SNX14: variants seen among roughly 807,000 people sequenced by gnomAD.
SNX14 encodes the protein sorting nexin-14.
SNX14 carries 93 observed loss-of-function variants against 133.8 expected under a neutral mutation model. The observed-to-expected ratio is 0.70, with a 90% CI of 0.59 to 0.83. SNX14 has a LOEUF of 0.83. SNX14 is among the 40% of genes least tolerant of loss of function. SNX14 has a pLI of 0.00. For synonymous variants in SNX14, 368 were observed against 365.6 expected (o/e 1.01, Z -0.07); for missense variants, 945 against 1,094.9 (o/e 0.86, Z 1.93).
intron 5 of SNX14, 25 bp from the exon 6 acceptor site, chr6:85,565,444 T>C (rs779019574): frequency 2.3e-5 from 35 of 1,521,310 alleles, no homozygotes; most frequent in Non-Finnish European, 3.0e-5. Flanking sequence ...AAAACAAATA[T>C]TCAGAAGTTC....
At chr6:85,550,960 T>C (rs979662036) in intron 7 of SNX14, among the ~76,000 whole-genome samples, 37 of 152,058 alleles carry the variant, frequency 2.4e-4, no homozygotes, top group Admixed American at 2.4e-3. Flanking sequence ...TTTATATTTT[T>C]TGTAGAGACA....
At chr6:85,552,757 G>C (rs956211771) in intron 7 of SNX14, among the ~76,000 whole-genome samples, 5 of 152,184 alleles carry the variant, frequency 3.3e-5, no homozygotes, top group Admixed American at 1.3e-4. Flanking sequence ...AGGAGGAATT[G>C]AGGACTGAAC....
At chr6:85,521,856 G>A (rs1215426620) in intron 21 of SNX14, among the ~76,000 whole-genome samples, 2 of 152,114 alleles carry the variant, frequency 1.3e-5, no homozygotes, top group African/African-American at 2.4e-5. Flanking sequence ...TTTTCTTCTA[G>A]TAGTTTTATA....
intron 1 of SNX14, among the ~76,000 whole-genome samples, chr6:85,582,128 G>A (rs1583108516): frequency 6.6e-6 from 1 of 152,104 alleles, no homozygotes; most frequent in Non-Finnish European, 1.5e-5. Context: ...ATACAATGGA[G>A]CTCCAACGCA....
chr6:85,579,972 CCT>C (rs1275566625), intron 1 of SNX14, among the ~76,000 whole-genome samples: 1 of 152,018 alleles, frequency 6.6e-6, no homozygotes, highest in Non-Finnish European at 1.5e-5. Flanking sequence ...TCTTGTTCTG[CCT>C]CTCTCTCTCC....
intron 7 of SNX14, 147 bp downstream of exon 7, chr6:85,557,829 A>G (rs1790238471): frequency 1.7e-6 from 1 of 571,474 alleles, no homozygotes; most frequent in South Asian, 2.2e-5. Flanking sequence ...TTAACAAACT[A>G]CTGAAAGACA....
intron 15 of SNX14, 71 bp downstream of exon 15, chr6:85,541,914 C>T (rs1340431554): frequency 1.8e-6 from 2 of 1,136,194 alleles, no homozygotes; most frequent in Admixed American, 5.0e-5. Flanking sequence ...AGAAAAATAG[C>T]TAATAAAGAC....
chr6:85,566,336 A>G (rs1793823363), intron 5 of SNX14, among the ~76,000 whole-genome samples: 2 of 152,236 alleles, frequency 1.3e-5, no homozygotes, highest in African/African-American at 4.8e-5. Flanking sequence ...AAAATATGGC[A>G]TAGAAACGAT....
intron 1 of SNX14, chr6:85,589,127 T>A (rs1388194870): frequency 4.2e-6 from 1 of 239,290 alleles, no homozygotes; most frequent in Non-Finnish European, 8.6e-6. Flanking sequence ...AGTGCCAGTA[T>A]CAAAGAAGGG....
At chr6:85,507,843 GT>G (rs1185101349) in intron 27 of SNX14, 124 bp downstream of exon 27, 2 of 530,532 alleles carry the variant, frequency 3.8e-6, no homozygotes, top group Non-Finnish European at 6.0e-6. Flanking sequence ...CTATCTGAAT[GT>G]TTAAAATTAT....
intron 21 of SNX14, among the ~76,000 whole-genome samples, chr6:85,519,007 A>G (rs1017110219): frequency 3.3e-5 from 5 of 152,204 alleles, no homozygotes; most frequent in African/African-American, 1.2e-4. Context: ...AGTAAGTTCA[A>G]AACTGCTCTT....
chr6:85,581,082 C>T (rs1002854484), intron 1 of SNX14: 1 of 152,370 alleles, frequency 6.6e-6, no homozygotes, highest in Non-Finnish European at 1.5e-5. Flanking sequence ...CACTCCTACT[C>T]CTGGTGGCCA....
chr6:85,559,239 A>G (rs533941139), intron 6 of SNX14, among the ~76,000 whole-genome samples: 31 of 152,296 alleles, frequency 2.0e-4, no homozygotes, highest in African/African-American at 7.0e-4. Flanking sequence ...TTTTGCTAGT[A>G]TTATACCTCA....
At chr6:85,561,221 G>A (rs1285480722) in intron 6 of SNX14, 1 of 150,906 alleles carries the variant, frequency 6.6e-6, no homozygotes, top group Admixed American at 6.6e-5. Context: ...ACGCCTATAA[G>A]CCTGTAATCC....
Position 85,507,991 on chromosome 6 carries a change from G to A in SNX14, c.2722C>T (p.Gln908Ter). Residue 908 changes from glutamine to a stop codon, truncating the protein, a stop_gained, in exon 27 of 29, where the codon CAG (glutamine) becomes TAG (stop). Transcript: ENST00000314673. LOFTEE classifies it high-confidence loss of function. ...ESIRLLFDGL[Q>*]QPVLNKQLTY... ...ACCTGCTTGTTGAGTACTGGTTGCT[G>A]TAAGCCATCAAACAGAAGTCTGATG... 6.2e-7 allele frequency: 1 copy of A among 1,613,504 alleles called. No homozygotes were observed. Among genetic ancestry groups the A allele is most frequent in the Non-Finnish European group, 8.5e-7 (1 of 1,179,646 alleles).
intron 12 of SNX14, among the ~76,000 whole-genome samples, chr6:85,544,868 G>A (rs553861596): frequency 1.3e-5 from 2 of 152,308 alleles, no homozygotes; most frequent in South Asian, 4.1e-4. Flanking sequence ...ACCTGGTTCT[G>A]CAGAAAGAAA....
intron 7 of SNX14, among the ~76,000 whole-genome samples, chr6:85,556,079 G>C (rs1789660781): frequency 6.6e-6 from 1 of 152,018 alleles, no homozygotes; most frequent in African/African-American, 2.4e-5. Flanking sequence ...TATAACAAAT[G>C]TATCAAGTAA....
intron 21 of SNX14, among the ~76,000 whole-genome samples, chr6:85,524,921 T>C (rs1012797260): frequency 1.3e-5 from 2 of 152,190 alleles, no homozygotes; most frequent in African/African-American, 2.4e-5. Flanking sequence ...CTACCATTTA[T>C]TTAATTGAAT....
chr6:85,538,946 C>G (rs1468029060), intron 15 of SNX14, 82 bp from the exon 16 acceptor site: 1 of 1,257,288 alleles, frequency 8.0e-7, no homozygotes, highest in Non-Finnish European at 1.1e-6. Context: ...TTTTAGAACA[C>G]AAAACAAAAT....
Sources: allele counts gnomAD v4.1 joint callset (sites outside exome capture counted in the v4.1 genomes callset), GRCh38; gene constraint gnomAD v4.1.1; transcripts MANE v1.5; gene names NCBI Gene and HGNC (gene_info 2026-07-23, HGNC 2026-07-21).